WARS2: variants seen among roughly 807,000 people sequenced by gnomAD.
WARS2 encodes tryptophan--tRNA ligase, mitochondrial.
In WARS2, 28 loss-of-function variants were observed where a neutral mutation model predicts 36.5. The observed-to-expected ratio is 0.77, with a 90% CI of 0.57 to 1.05. WARS2 has a LOEUF of 1.05. Ranked by LOEUF, WARS2 falls within the 50% of genes least tolerant of loss-of-function variation. The probability of loss-of-function intolerance (pLI) is 0.00; values close to 1 mark genes in which losing one functional copy is unlikely to be tolerated. For missense variants in WARS2, 435 were observed against 456.8 expected (o/e 0.95, Z 0.44); for synonymous variants, 174 against 178.4 (o/e 0.98, Z 0.20).
At chr1:119,059,720 T>C (rs1014698646) in intron 2 of WARS2, among the ~76,000 whole-genome samples, 7 of 152,210 alleles carry the variant, frequency 4.6e-5, no homozygotes, top group African/African-American at 1.7e-4. Flanking sequence ...ATGTTGAAAT[T>C]TTCATTGCGA....
intron 1 of WARS2, among the ~76,000 whole-genome samples, chr1:119,101,835 A>G (rs961649644): frequency 1.3e-5 from 2 of 152,196 alleles, no homozygotes. Flanking sequence ...AAGCCGCAGA[A>G]CAATGTGTGC....
intron 1 of WARS2, among the ~76,000 whole-genome samples, chr1:119,136,273 T>C (rs1002378979): frequency 3.9e-5 from 6 of 152,160 alleles, no homozygotes; most frequent in African/African-American, 1.4e-4. Context: ...ATGGCTGCCG[T>C]ACTATCTGCT....
rs192903953 is a variant in WARS2 at position 119,107,359 on chromosome 1, C to G, written c.91-30752G>C. Reference sequence around the variant, plus strand: ...CATTTATGGATGTCACTGCTATACCCAAAGTCATGTAAACTTTATCCTATG... The same window carrying G: ...CATTTATGGATGTCACTGCTATACCGAAAGTCATGTAAACTTTATCCTATG... On this transcript the variant is annotated intron_variant, in intron 1 of 5. Coordinates refer to ENST00000235521, the MANE Select transcript of WARS2 (RefSeq NM_015836.4). Among the ~76,000 whole-genome samples, 38 of 152,180 alleles carry G rather than the reference C, an allele frequency of 2.5e-4. No homozygotes were observed. In the East Asian group the frequency reaches 6.4e-3, roughly 26 times the overall value.
chr1:119,135,265 A>C (rs767672892), intron 1 of WARS2, among the ~76,000 whole-genome samples: 37 of 152,176 alleles, frequency 2.4e-4, no homozygotes, highest in Non-Finnish European at 4.3e-4. Context: ...AAGAAATCCA[A>C]AATTGTGTGG....
chr1:119,062,558 G>A (rs189925617), intron 2 of WARS2, among the ~76,000 whole-genome samples: 1 of 152,126 alleles, frequency 6.6e-6, no homozygotes, highest in Non-Finnish European at 1.5e-5. Context: ...ATATGGTTTG[G>A]CTGTGTCCCC....
intron 1 of WARS2, among the ~76,000 whole-genome samples, chr1:119,133,525 A>G (rs183711426): frequency 4.6e-5 from 7 of 152,352 alleles, no homozygotes; most frequent in Non-Finnish European, 7.3e-5. Context: ...TTAACCTCCC[A>G]ACATCGTCAT....
At chr1:119,067,109 C>A (rs1287163938) in intron 2 of WARS2, among the ~76,000 whole-genome samples, 1 of 146,840 alleles carries the variant, frequency 6.8e-6, no homozygotes, top group Non-Finnish European at 1.5e-5. Context: ...AAATAAATCC[C>A]AAGCATGTAA....
intron 1 of WARS2, among the ~76,000 whole-genome samples, chr1:119,139,283 A>G (rs1656759111): frequency 6.6e-6 from 1 of 152,222 alleles, no homozygotes; most frequent in Non-Finnish European, 1.5e-5. Flanking sequence ...TTTCCGGTAT[A>G]TATTAATATA....
intron 1 of WARS2, among the ~76,000 whole-genome samples, chr1:119,091,165 C>T (rs988681300): frequency 6.6e-6 from 1 of 152,136 alleles, no homozygotes; most frequent in Non-Finnish European, 1.5e-5. Flanking sequence ...CCTTCTATGC[C>T]TCCTAGCGCC....
rs924035921 is a variant in WARS2 at position 119,033,217 on chromosome 1, G to A, written c.777C>T (p.Thr259=). 1.2e-6 allele frequency: 2 copies of A among 1,614,262 alleles called. No homozygotes were observed. The highest frequency in any genetic ancestry group is 1.7e-6 in the Non-Finnish European group (2 of 1,180,044). The change falls in exon 6 of 6, where the codon ACC becomes ACT. Residue 259 remains threonine, a synonymous_variant. Transcript: ENST00000235521. ...QKFRKAVTDF[T]SEVTYDPAGR... ...CAGCCGGGTCATAGGTGACCTCCGA[G>A]GTGAAGTCTGTCACAGCCTTGCGGA...
chr1:119,036,605 A>G (rs1255979780), intron 4 of WARS2, among the ~76,000 whole-genome samples: 1 of 152,234 alleles, frequency 6.6e-6, no homozygotes, highest in Non-Finnish European at 1.5e-5. Context: ...AGAAAAAACA[A>G]TTACCATAAT....
At chr1:119,098,567 C>T (rs1010499444) in intron 1 of WARS2, among the ~76,000 whole-genome samples, 4 of 149,786 alleles carry the variant, frequency 2.7e-5, no homozygotes, top group African/African-American at 4.9e-5. Context: ...CCTCCCGAGT[C>T]GCTAGCATTA....
At chr1:119,046,514 A>T (rs1220415675) in intron 2 of WARS2, among the ~76,000 whole-genome samples, 2 of 140,876 alleles carry the variant, frequency 1.4e-5, no homozygotes, top group Non-Finnish European at 1.5e-5. Context: ...CATCCGGCTA[A>T]TTTTTTTTTT....
chr1:119,134,328 A>AAAC (rs1469314805), intron 1 of WARS2, among the ~76,000 whole-genome samples: 1 of 150,786 alleles, frequency 6.6e-6, no homozygotes, highest in Non-Finnish European at 1.5e-5. Flanking sequence ...GCAAAAAAAA[A>AAAC]AAAAAAAAAA....
At chr1:119,073,849 C>T (rs939481969) in intron 2 of WARS2, among the ~76,000 whole-genome samples, 1 of 151,972 alleles carries the variant, frequency 6.6e-6, no homozygotes, top group Non-Finnish European at 1.5e-5. Flanking sequence ...AAATCCTTTA[C>T]AAAGTGAAAA....
At chr1:119,051,504 G>A (rs1001721341) in intron 2 of WARS2, among the ~76,000 whole-genome samples, 1 of 152,104 alleles carries the variant, frequency 6.6e-6, no homozygotes, top group East Asian at 1.9e-4. Flanking sequence ...GAACATATGT[G>A]TGCATGTATC....
chr1:119,134,334 A>AAAAAAAAC (rs1656336108), intron 1 of WARS2, among the ~76,000 whole-genome samples: 1 of 151,066 alleles, frequency 6.6e-6, no homozygotes, highest in Non-Finnish European at 1.5e-5. Flanking sequence ...AAAAAAAAAA[A>AAAAAAAAC]AAAAAAACAA....
chr1:119,097,610 C>T (rs1653532770), intron 1 of WARS2, among the ~76,000 whole-genome samples: 1 of 152,228 alleles, frequency 6.6e-6, no homozygotes, highest in Non-Finnish European at 1.5e-5. Flanking sequence ...TCACTTGCTC[C>T]TGTAAGCAAC....
intron 2 of WARS2, among the ~76,000 whole-genome samples, chr1:119,071,586 G>C (rs1002968993): frequency 6.6e-6 from 1 of 152,122 alleles, no homozygotes; most frequent in African/African-American, 2.4e-5. Context: ...AAATAAGCCA[G>C]GCACAGAAAG....
Sources: gnomAD v4.1 joint callset for allele counts (sites outside exome capture counted in the v4.1 genomes callset) on GRCh38, gnomAD v4.1.1 for gene constraint, MANE v1.5 for transcripts, NCBI Gene and HGNC (gene_info 2026-07-23, HGNC 2026-07-21) for gene names.